PUS7: variants seen among roughly 807,000 people sequenced by gnomAD.
PUS7 encodes pseudouridylate synthase 7 homolog.
Under a neutral mutation model 79.8 loss-of-function variants are expected in PUS7, and 48 were observed. The ratio of observed to expected loss-of-function variants is 0.60; its 90% CI spans 0.48 to 0.76. PUS7 has a LOEUF of 0.76. Among genes scored for constraint, PUS7 ranks in the 30% least tolerant of loss-of-function variants. The probability of loss-of-function intolerance (pLI) is 0.00; values close to 1 mark genes in which losing one functional copy is unlikely to be tolerated. For missense variants in PUS7, 729 were observed against 797.6 expected (o/e 0.91, Z 1.04); for synonymous variants, 286 against 272.2 (o/e 1.05, Z -0.50).
At chr7:105,492,331 G>A (rs752739516) in intron 6 of PUS7, among the ~76,000 whole-genome samples, 2 of 150,014 alleles carry the variant, frequency 1.3e-5, no homozygotes, top group South Asian at 4.4e-4. Context: ...ATAATTCTTC[G>A]CTTTTTTTTT....
intron 1 of PUS7, among the ~76,000 whole-genome samples, chr7:105,518,144 T>C (rs1243425894): frequency 1.3e-5 from 2 of 151,630 alleles, no homozygotes; most frequent in Non-Finnish European, 2.9e-5. Context: ...GGAGACTCTG[T>C]CTCAAAAAAT....
At chr7:105,500,121 CAAG>C (rs1034765499) in intron 5 of PUS7, among the ~76,000 whole-genome samples, 10 of 152,240 alleles carry the variant, frequency 6.6e-5, no homozygotes, top group African/African-American at 2.4e-4. Context: ...ACCACAAGCC[CAAG>C]AAGTGTGGTT....
At chr7:105,470,943 T>C (rs1823850225) in intron 10 of PUS7, 95 bp from the exon 11 acceptor site, 16 of 1,347,996 alleles carry the variant, frequency 1.2e-5, no homozygotes, top group Non-Finnish European at 1.6e-5. Context: ...AATTAGAAAA[T>C]GCTACTTGAA....
intron 14 of PUS7, 49 bp downstream of exon 14, chr7:105,462,568 GCTTA>G (rs2133041416): frequency 6.3e-7 from 1 of 1,597,770 alleles, no homozygotes; most frequent in East Asian, 2.2e-5. Flanking sequence ...TGAAGCAAAA[GCTTA>G]CAACTTATAT....
intron 15 of PUS7, among the ~76,000 whole-genome samples, chr7:105,458,328 T>G (rs1823272294): frequency 6.6e-6 from 1 of 152,042 alleles, no homozygotes; most frequent in Non-Finnish European, 1.5e-5. Context: ...TGGTGTAATC[T>G]CAGCTCACTG....
chr7:105,511,831 T>C (rs1825713782), intron 1 of PUS7, among the ~76,000 whole-genome samples: 1 of 150,564 alleles, frequency 6.6e-6, no homozygotes, highest in African/African-American at 2.4e-5. Context: ...AGAGAAGGGA[T>C]TGAAAAAAAT....
chr7:105,469,579 T>C (rs1355526459), intron 11 of PUS7, among the ~76,000 whole-genome samples: 1 of 152,070 alleles, frequency 6.6e-6, no homozygotes, highest in Non-Finnish European at 1.5e-5. Context: ...CCTGCCTCAG[T>C]CTCTCAAGTA....
At chr7:105,471,512 G>C (rs1823871317) in intron 10 of PUS7, among the ~76,000 whole-genome samples, 1 of 152,196 alleles carries the variant, frequency 6.6e-6, no homozygotes, top group South Asian at 2.1e-4. Flanking sequence ...CACTGAACAA[G>C]CTAAAGAGCT....
intron 1 of PUS7, among the ~76,000 whole-genome samples, chr7:105,515,461 T>G (rs1346234402): frequency 6.6e-6 from 1 of 152,228 alleles, no homozygotes; most frequent in Non-Finnish European, 1.5e-5. Context: ...TTATTTTAGG[T>G]TGACAACAGG....
chr7:105,514,895 C>T (rs1474897804), intron 1 of PUS7, among the ~76,000 whole-genome samples: 1 of 151,802 alleles, frequency 6.6e-6, no homozygotes, highest in Non-Finnish European at 1.5e-5. Flanking sequence ...GGGCTCACGC[C>T]ATTCTCCTGC....
chr7:105,489,061 T>G (rs940004022), intron 7 of PUS7, among the ~76,000 whole-genome samples: 1 of 141,358 alleles, frequency 7.1e-6, no homozygotes, highest in Admixed American at 7.7e-5. Flanking sequence ...GGCAGGAGAA[T>G]GGCGTGAACC....
chr7:105,466,781 A>G (rs1158993113), intron 12 of PUS7, among the ~76,000 whole-genome samples: 2 of 152,120 alleles, frequency 1.3e-5, no homozygotes, highest in South Asian at 2.1e-4. Context: ...ACTGGAATGT[A>G]CTTAAGAGGA....
chr7:105,508,980 A>T (rs1387357904), intron 1 of PUS7, among the ~76,000 whole-genome samples: 1 of 149,792 alleles, frequency 6.7e-6, no homozygotes, highest in Non-Finnish European at 1.5e-5. Flanking sequence ...GGGGTTCGAG[A>T]TCAGCCTGGC....
Position 105,484,398 on chromosome 7 carries a change from T to G in PUS7, c.921-1958A>C, listed in dbSNP as rs568351202. 2.7e-3 allele frequency among the ~76,000 whole-genome samples: 408 copies of G among 152,118 alleles called. 1 individual carries two copies. The highest frequency in any genetic ancestry group is 6.3e-3 in the African/African-American group (261 of 41,520). ...AGGAGGCCTAGATGGGCAGATAGCT[T>G]GAGCCCAGGAGTTCAAGACCAGCCT... On this transcript the variant is annotated intron_variant, in intron 7 of 15. Coordinates refer to ENST00000469408, the MANE Select transcript of PUS7 (RefSeq NM_019042.5).
intron 7 of PUS7, among the ~76,000 whole-genome samples, chr7:105,486,764 T>C (rs1027752521): frequency 6.6e-6 from 1 of 151,752 alleles, no homozygotes; most frequent in Non-Finnish European, 1.5e-5. Context: ...GTTAACATAA[T>C]ATAAAATTCA....
At chr7:105,520,059 C>A (rs543653190) in intron 1 of PUS7, among the ~76,000 whole-genome samples, 1 of 152,354 alleles carries the variant, frequency 6.6e-6, no homozygotes, top group East Asian at 1.9e-4. Context: ...TGTGATGGCA[C>A]ACGCCTGTAA....
chr7:105,515,341 C>T (rs1401310251), intron 1 of PUS7, among the ~76,000 whole-genome samples: 2 of 152,180 alleles, frequency 1.3e-5, no homozygotes, highest in Non-Finnish European at 2.9e-5. Flanking sequence ...CTAAACTTCC[C>T]TACTTCAGAA....
intron 1 of PUS7, among the ~76,000 whole-genome samples, chr7:105,514,548 G>A (rs2133284570): frequency 6.6e-6 from 1 of 151,802 alleles, no homozygotes; most frequent in Non-Finnish European, 1.5e-5. Context: ...AGCTTGCAGT[G>A]AGCCGAGATC....
In PUS7 at chr7:105,457,408, T is replaced by C. The variant is rs1410627689; in HGVS notation, c.*382A>G. 1 of 154,830 alleles carries C rather than the reference T, an allele frequency of 6.5e-6. No homozygotes were observed. The highest frequency in any genetic ancestry group is 1.9e-4 in the East Asian group (1 of 5,278). The allele number at this position is 154,830 out of a possible 1,614,324, so 9.6% of individuals were successfully genotyped here. On this transcript the variant is annotated 3_prime_UTR_variant, in exon 16 of 16. Transcript: ENST00000469408. Reference sequence around the variant, plus strand: ...CAGATTTGTTTTGTTGCATTTGCTCTTAAAATGCATTGTTGTATACTCCAT... The same window carrying C: ...CAGATTTGTTTTGTTGCATTTGCTCCTAAAATGCATTGTTGTATACTCCAT...
Sources: allele counts gnomAD v4.1 joint callset (sites outside exome capture counted in the v4.1 genomes callset), GRCh38; gene constraint gnomAD v4.1.1; transcripts MANE v1.5; gene names NCBI Gene and HGNC (gene_info 2026-07-23, HGNC 2026-07-21).